Variants in JAKMIP1 observed in about 807,000 individuals in gnomAD.
JAKMIP1 encodes janus kinase and microtubule-interacting protein 1.
A neutral mutation model predicts 113.0 loss-of-function variants in JAKMIP1; 33 were observed. The observed-to-expected ratio is 0.29, with a 90% CI of 0.22 to 0.39. JAKMIP1 has a LOEUF of 0.39. Among genes scored for constraint, JAKMIP1 ranks in the 10% least tolerant of loss-of-function variants. JAKMIP1 has a pLI of 1.00. For missense variants in JAKMIP1, 813 were observed against 1,080.5 expected (o/e 0.75, Z 3.47); for synonymous variants, 480 against 459.9 (o/e 1.04, Z -0.56).
chr4:6,147,337 C>CA (rs1280496788), intron 1 of JAKMIP1, among the ~76,000 whole-genome samples: 1 of 152,254 alleles, frequency 6.6e-6, no homozygotes, highest in Non-Finnish European at 1.5e-5. Context: ...TAAAGGCACA[C>CA]ATCAGTAAGT....
At chr4:6,149,773 C>T (rs1721334364) in intron 1 of JAKMIP1, among the ~76,000 whole-genome samples, 2 of 152,134 alleles carry the variant, frequency 1.3e-5, no homozygotes, top group Non-Finnish European at 2.9e-5. Context: ...CCTTTGCTAC[C>T]GGGCTGGGGA....
In JAKMIP1 at chr4:6,154,575, G is replaced by C. The variant is rs991851213; in HGVS notation, c.-147-41578C>G. On this transcript the variant is annotated intron_variant, in intron 1 of 20. Coordinates refer to ENST00000409021, the MANE Select transcript of JAKMIP1 (RefSeq NM_001099433.2). The surrounding 1 kb of genome is among the most constrained non-coding windows in gnomAD (Gnocchi z 4.2). The stretch of plus-strand genomic sequence containing the variant: ...GCCTTGAAAAAGGCAATACCGAAAA[G>C]GCAGACACCAAGAAACTTAGCAAGG... 1.3e-5 allele frequency among the ~76,000 whole-genome samples: 2 copies of C among 151,772 alleles called. No individual in the cohort carries two copies. The highest frequency in any genetic ancestry group is 2.9e-5 in the Non-Finnish European group (2 of 68,002).
intron 16 of JAKMIP1, among the ~76,000 whole-genome samples, chr4:6,047,441 G>A (rs980983885): frequency 6.6e-6 from 1 of 152,212 alleles, no homozygotes; most frequent in Non-Finnish European, 1.5e-5. Flanking sequence ...TATGCCCCAT[G>A]TGCCCCGCCC....
intron 1 of JAKMIP1, among the ~76,000 whole-genome samples, chr4:6,128,061 T>C (rs1717976908): frequency 1.3e-5 from 2 of 152,148 alleles, no homozygotes; most frequent in South Asian, 4.1e-4. Context: ...AGATGCCCTG[T>C]AAAGGCTGTG....
chr4:6,115,967 C>T (rs1312220730), intron 1 of JAKMIP1, among the ~76,000 whole-genome samples: 1 of 152,142 alleles, frequency 6.6e-6, no homozygotes, highest in Non-Finnish European at 1.5e-5. Context: ...CTACCCCGTG[C>T]CCAGCCCAAA....
At position 6,061,318 on chromosome 4, in the gene JAKMIP1, C is replaced by A. The variant is rs1368866253; in HGVS notation, c.1561-811G>T. On this transcript the variant is annotated intron_variant, in intron 10 of 20. Coordinates refer to ENST00000409021, the MANE Select transcript of JAKMIP1 (RefSeq NM_001099433.2). The surrounding 1 kb of genome is among the most constrained non-coding windows in gnomAD (Gnocchi z 5.3). ...AAAGACTGGGCCTTTTATGGTGGGA[C>A]AAGCAGCTTCCCTCCCTGCTGACCT... 6.6e-6 allele frequency among the ~76,000 whole-genome samples: 1 copy of A among 152,206 alleles called. No individual in the cohort carries two copies. Among genetic ancestry groups the A allele is most frequent in the Non-Finnish European group, 1.5e-5 (1 of 68,040 alleles).
Position 6,194,807 on chromosome 4 carries a change from C to T in JAKMIP1, c.-148+5446G>A, listed in dbSNP as rs1727673617. 6.6e-6 allele frequency among the ~76,000 whole-genome samples: 1 copy of T among 152,130 alleles called. No individual in the cohort carries two copies. Among genetic ancestry groups the T allele is most frequent in the African/African-American group, 2.4e-5 (1 of 41,432 alleles). On this transcript the variant is annotated intron_variant, in intron 1 of 20. Coordinates refer to ENST00000409021, the MANE Select transcript of JAKMIP1 (RefSeq NM_001099433.2). The surrounding 1 kb of genome is among the most constrained non-coding windows in gnomAD (Gnocchi z 7.4). ...CCACGGTGGGAGACAGGAGAGCAGG[C>T]AGCCTGTACCCAGGTCCTCCCAGGC...
chr4:6,134,727 T>C (rs1333612702), intron 1 of JAKMIP1, among the ~76,000 whole-genome samples: 1 of 152,220 alleles, frequency 6.6e-6, no homozygotes, highest in East Asian at 1.9e-4. Context: ...CTTGAGTGCC[T>C]GTGAAATGGA....
chr4:6,173,336 C>T (rs73075500), intron 1 of JAKMIP1, among the ~76,000 whole-genome samples: 3,136 of 152,248 alleles, frequency 0.021, 112 homozygotes, highest in African/African-American at 0.071. Context: ...AATTGGTCTG[C>T]AAGCAAAGAT....
At chr4:6,039,509 G>A (rs1038179591) in intron 18 of JAKMIP1, among the ~76,000 whole-genome samples, 3 of 152,150 alleles carry the variant, frequency 2.0e-5, no homozygotes, top group Non-Finnish European at 2.9e-5. Context: ...GATGCATGAC[G>A]GGGATGGCCC....
chr4:6,075,138 C>T (rs1719518325), intron 8 of JAKMIP1, among the ~76,000 whole-genome samples: 1 of 152,136 alleles, frequency 6.6e-6, no homozygotes, highest in Admixed American at 6.5e-5. Context: ...CACTGCACTC[C>T]AGCCTGGTCA....
rs910025585 is a variant in JAKMIP1 at position 6,199,855 on chromosome 4, C to G, written c.-148+398G>C. 6.6e-6 allele frequency among the ~76,000 whole-genome samples: 1 copy of G among 151,076 alleles called. No homozygotes were observed. The highest frequency in any genetic ancestry group is 1.5e-5 in the Non-Finnish European group (1 of 67,674). On this transcript the variant is annotated intron_variant, in intron 1 of 20. Coordinates refer to ENST00000409021, the MANE Select transcript of JAKMIP1 (RefSeq NM_001099433.2). The surrounding 1 kb of genome is among the most constrained non-coding windows in gnomAD (Gnocchi z 5.6). The stretch of plus-strand genomic sequence containing the variant: ...GCCGGCCACACCCCCCGCGCCACTC[C>G]GGCAGGCACCGGGTGGGTCCCCCTC...
chr4:6,118,860 CCTTATTAGGAAAAAGCATCTTTG>C (rs1399577318), intron 1 of JAKMIP1, among the ~76,000 whole-genome samples: 1 of 152,122 alleles, frequency 6.6e-6, no homozygotes, highest in Non-Finnish European at 1.5e-5. Flanking sequence ...GCAGATGTAC[CCTTATTAGGAAAAAGCATCTTTG>C]AAGATGTAAC....
rs924447688 is a variant in JAKMIP1, at chr4:6,136,334, C to T, written c.-147-23337G>A. Reference sequence around the variant, plus strand: ...ATCCATATTTCAGTCTGCTTGAACCCAAAAGACCATGGGAATATTTAAGTA... The same window carrying T: ...ATCCATATTTCAGTCTGCTTGAACCTAAAAGACCATGGGAATATTTAAGTA... On this transcript the variant is annotated intron_variant, in intron 1 of 20. Transcript: ENST00000409021. The surrounding 1 kb of genome is among the most constrained non-coding windows in gnomAD (Gnocchi z 5.9). Among the ~76,000 whole-genome samples, 4 of 152,026 alleles carry T rather than the reference C, an allele frequency of 2.6e-5. No individual in the cohort carries two copies. Among genetic ancestry groups the T allele is most frequent in the Non-Finnish European group, 5.9e-5 (4 of 68,012 alleles).
rs1726498992 is a variant in JAKMIP1 at position 6,185,130 on chromosome 4, G to A, written c.-148+15123C>T. ...CCTTACTTTTGAGGTTTTGGGACTC[G>A]AACTGGCTTCCTTGCTCCTCAGCTT... On this transcript the variant is annotated intron_variant, in intron 1 of 20. Coordinates refer to ENST00000409021, the MANE Select transcript of JAKMIP1 (RefSeq NM_001099433.2). This position sits in a 1 kb window ranked among gnomAD's most constrained non-coding sequence, Gnocchi z 5.3. 6.6e-6 allele frequency among the ~76,000 whole-genome samples: 1 copy of A among 152,200 alleles called. No individual in the cohort carries two copies. The highest frequency in any genetic ancestry group is 6.5e-5 in the Admixed American group (1 of 15,284).
Position 6,194,874 on chromosome 4 carries a change from T to A in JAKMIP1, c.-148+5379A>T, listed in dbSNP as rs1727678899. Reference sequence around the variant, plus strand: ...GATGTGCAGTGGGTCCTGAGGATGCTTGCAAGCCCTGGAAAGGATAAAGGG... The same window carrying A: ...GATGTGCAGTGGGTCCTGAGGATGCATGCAAGCCCTGGAAAGGATAAAGGG... On this transcript the variant is annotated intron_variant, in intron 1 of 20. Coordinates refer to ENST00000409021, the MANE Select transcript of JAKMIP1 (RefSeq NM_001099433.2). The surrounding 1 kb of genome is among the most constrained non-coding windows in gnomAD (Gnocchi z 7.4). Among the ~76,000 whole-genome samples the A allele has an allele frequency of 6.6e-6, 1 of 152,042 alleles. No individual in the cohort carries two copies. The highest frequency in any genetic ancestry group is 2.4e-5 in the African/African-American group (1 of 41,396).
chr4:6,057,461 G>C (rs1276074140), intron 11 of JAKMIP1, among the ~76,000 whole-genome samples: 1 of 152,140 alleles, frequency 6.6e-6, no homozygotes, highest in African/African-American at 2.4e-5. Flanking sequence ...GAGAAGCAGA[G>C]GCCCGGCCTA....
In JAKMIP1 at chr4:6,164,601, C is replaced by A. The variant is rs114248699; in HGVS notation, c.-148+35652G>T. On this transcript the variant is annotated intron_variant, in intron 1 of 20. Coordinates refer to ENST00000409021, the MANE Select transcript of JAKMIP1 (RefSeq NM_001099433.2). Reference sequence around the variant, plus strand: ...TAGTGATTCCTCTGATGTATCTGAGCAAAGTACATTGAAAACCTCCTGGAA... The same window carrying A: ...TAGTGATTCCTCTGATGTATCTGAGAAAAGTACATTGAAAACCTCCTGGAA... Among the ~76,000 whole-genome samples the A allele has an allele frequency of 3.2e-3, 494 of 152,242 alleles. 5 individuals carry two copies. Among genetic ancestry groups the A allele is most frequent in the African/African-American group, 0.011 (477 of 41,522 alleles).
chr4:6,050,000 C>T lies in JAKMIP1; in HGVS notation c.1909-128G>A, dbSNP rs557369094. ...TCTTTTCTTTTCTGGCCAAGTTTTG[C>T]GCCCAGCCGTTCCTCTGGGGAGTGA... On this transcript the variant is annotated intron_variant, in intron 14 of 20. Transcript: ENST00000409021. This position sits in a 1 kb window ranked among gnomAD's most constrained non-coding sequence, Gnocchi z 7.0. 5.3e-4 allele frequency: 358 copies of T among 669,470 alleles called. 2 individuals are homozygous for T. In the Middle Eastern group the frequency reaches 0.01, roughly 19 times the overall value. 41.5% of individuals were successfully genotyped at this position (669,470 alleles called of 1,614,324 possible). A position where few individuals can be genotyped will look rare whatever the true frequency, so the allele number is the denominator to read the frequency against.
Sources: gnomAD v4.1 joint callset for allele counts (sites outside exome capture counted in the v4.1 genomes callset) on GRCh38, gnomAD v4.1.1 for gene constraint, Gnocchi (gnomAD v3.1) non-coding constraint, MANE v1.5 for transcripts, NCBI Gene and HGNC (gene_info 2026-07-23, HGNC 2026-07-21) for gene names.